TMEM232: variants seen among roughly 807,000 people sequenced by gnomAD.
TMEM232 encodes transmembrane protein 232.
TMEM232 carries 80 observed loss-of-function variants against 78.8 expected under a neutral mutation model. The ratio of observed to expected loss-of-function variants is 1.01; its 90% confidence interval spans 0.85 to 1.22. The LOEUF (loss-of-function observed/expected upper bound fraction) is 1.22, where lower values mean the gene tolerates loss of function less well. Among genes scored for constraint, TMEM232 ranks in the 50% most tolerant of loss-of-function variants. The pLI, the probability that TMEM232 is intolerant of heterozygous loss-of-function variation, is 0.00. For synonymous variants in TMEM232, 297 were observed against 254.3 expected, an observed-to-expected ratio of 1.17 and a Z score of -1.60; for missense variants, 881 against 742.2, an observed-to-expected ratio of 1.19 and a Z score of -2.17.
chr5:110,539,722 T>C (rs974640878), intron 11 of TMEM232, among the ~76,000 whole-genome samples: 1 of 152,192 alleles, frequency 6.6e-6, no homozygotes, highest in Non-Finnish European at 1.5e-5. Context: ...TTCTTGTGCG[T>C]AGCCCAACCA....
chr5:110,691,996 C>A (rs1293835662), intron 1 of TMEM232, among the ~76,000 whole-genome samples: 2 of 152,114 alleles, frequency 1.3e-5, no homozygotes, highest in Non-Finnish European at 2.9e-5. Context: ...TCTCGGCTCA[C>A]TGCAAGCCCC....
At chr5:110,508,749 T>C (rs1767267756) in intron 12 of TMEM232, among the ~76,000 whole-genome samples, 1 of 150,044 alleles carries the variant, frequency 6.7e-6, no homozygotes, top group Admixed American at 6.7e-5. Flanking sequence ...CTAAACGTGC[T>C]ATGGAAAGAG....
At chr5:110,459,986 G>A (rs985536994) in intron 12 of TMEM232, among the ~76,000 whole-genome samples, 1 of 152,080 alleles carries the variant, frequency 6.6e-6, no homozygotes, top group Non-Finnish European at 1.5e-5. Context: ...CACGAAGAAA[G>A]GTTGAGAAAC....
chr5:110,664,121 TAGAG>T (rs1330026541), intron 2 of TMEM232, among the ~76,000 whole-genome samples: 1 of 151,904 alleles, frequency 6.6e-6, no homozygotes, highest in African/African-American at 2.4e-5. Context: ...GCCTGGGAGA[TAGAG>T]AAAGACCCTG....
At chr5:110,399,444 C>T (rs1755511262) in intron 2 of TMEM232, among the ~76,000 whole-genome samples, 2 of 152,046 alleles carry the variant, frequency 1.3e-5, no homozygotes, top group Admixed American at 1.3e-4. Context: ...TATGCTTAAT[C>T]CCTTTGGGAG....
intron 8 of TMEM232, among the ~76,000 whole-genome samples, chr5:110,614,766 T>C (rs1392102231): frequency 1.3e-5 from 2 of 152,012 alleles, no homozygotes; most frequent in African/African-American, 4.8e-5. Flanking sequence ...GTAGTTCTAG[T>C]TGTTTGTCAT....
chr5:110,557,232 G>T (rs114071632), intron 11 of TMEM232, among the ~76,000 whole-genome samples: 1,980 of 152,174 alleles, frequency 0.013, 36 homozygotes, highest in African/African-American at 0.045. Context: ...GATCAGTTTT[G>T]TTCTTTCTTA....
At chr5:110,405,889 T>G (rs1352165740) in intron 2 of TMEM232, among the ~76,000 whole-genome samples, 1 of 151,862 alleles carries the variant, frequency 6.6e-6, no homozygotes, top group East Asian at 1.9e-4. Flanking sequence ...ATTTTACAAA[T>G]TTTATAAAAA....
chr5:110,452,157 A>C (rs903013662), intron 12 of TMEM232, among the ~76,000 whole-genome samples: 2 of 152,142 alleles, frequency 1.3e-5, no homozygotes, highest in Non-Finnish European at 2.9e-5. Flanking sequence ...ATCTTGCCCC[A>C]AAAATATTCC....
At chr5:110,526,467 C>T (rs369421318) in intron 12 of TMEM232, among the ~76,000 whole-genome samples, 1 of 151,682 alleles carries the variant, frequency 6.6e-6, no homozygotes, top group Non-Finnish European at 1.5e-5. Flanking sequence ...AACTACTTAC[C>T]TTAAGAAAAT....
chr5:110,517,190 G>C (rs1768801470), intron 12 of TMEM232, among the ~76,000 whole-genome samples: 1 of 152,168 alleles, frequency 6.6e-6, no homozygotes, highest in Admixed American at 6.5e-5. Flanking sequence ...TTTAAATTAT[G>C]TCTTTGTATT....
intron 12 of TMEM232, among the ~76,000 whole-genome samples, chr5:110,521,558 G>C (rs1249130839): frequency 6.6e-6 from 1 of 152,084 alleles, no homozygotes; most frequent in Non-Finnish European, 1.5e-5. Flanking sequence ...TTCCTCCTTT[G>C]CTGCTTTCTA....
chr5:110,678,695 C>T (rs1369322206), intron 1 of TMEM232, among the ~76,000 whole-genome samples: 3 of 151,494 alleles, frequency 2.0e-5, no homozygotes, highest in Non-Finnish European at 2.9e-5. Context: ...AGCACCCCGA[C>T]CCCCCACCAT....
At chr5:110,428,532 TA>T (rs1213412333) in intron 12 of TMEM232, among the ~76,000 whole-genome samples, 2 of 151,702 alleles carry the variant, frequency 1.3e-5, no homozygotes, top group African/African-American at 4.8e-5. Flanking sequence ...CTAACTTAGG[TA>T]AGTGACAACA....
chr5:110,537,530 A>G (rs1772546191), intron 11 of TMEM232, among the ~76,000 whole-genome samples: 1 of 152,160 alleles, frequency 6.6e-6, no homozygotes, highest in Non-Finnish European at 1.5e-5. Flanking sequence ...GCAGAACTAG[A>G]TATTACAGAT....
intron 1 of TMEM232, among the ~76,000 whole-genome samples, chr5:110,698,201 C>G (rs976119418): frequency 1.3e-5 from 2 of 151,946 alleles, no homozygotes; most frequent in Admixed American, 6.6e-5. Flanking sequence ...AAACCAAACA[C>G]CGCATGTTCT....
intron 1 of TMEM232, among the ~76,000 whole-genome samples, chr5:110,724,094 C>T (rs781730562): frequency 6.6e-6 from 1 of 152,202 alleles, no homozygotes; most frequent in Non-Finnish European, 1.5e-5. Flanking sequence ...TTCCTGAAAA[C>T]CCTAGTTCAA....
chr5:110,709,371 T>C (rs548691343), intron 1 of TMEM232, among the ~76,000 whole-genome samples: 3 of 152,224 alleles, frequency 2.0e-5, no homozygotes, highest in Admixed American at 6.5e-5. Context: ...ATTAGCACTA[T>C]AGGACAAATG....
intron 13 of TMEM232, among the ~76,000 whole-genome samples, chr5:110,423,797 GTGTGTGTGTGTGTA>G (rs1251898746): frequency 1.3e-5 from 2 of 151,840 alleles, no homozygotes; most frequent in East Asian, 3.9e-4. Context: ...GTGTGTGTGT[GTGTGTGTGTGTGTA>G]TGTGTATGTG....
Sources: gnomAD v4.1 joint callset for allele counts (sites outside exome capture counted in the v4.1 genomes callset) on GRCh38, gnomAD v4.1.1 for gene constraint, MANE v1.5 for transcripts, NCBI Gene and HGNC (gene_info 2026-07-23, HGNC 2026-07-21) for gene names.